Variants in ABLIM1 observed in about 807,000 individuals in gnomAD.
The protein encoded by ABLIM1 is actin binding LIM protein 1, also known as actin-binding LIM protein 1.
ABLIM1 carries 40 observed loss-of-function variants against 107.0 expected under a neutral mutation model. That is an observed-to-expected ratio of 0.37 (90% CI 0.29 to 0.49). ABLIM1 has a LOEUF of 0.49. Among genes scored for constraint, ABLIM1 ranks in the 20% least tolerant of loss-of-function variants. The probability of loss-of-function intolerance (pLI) is 0.97; values close to 1 mark genes in which losing one functional copy is unlikely to be tolerated. For missense variants in ABLIM1, 857 were observed against 1,008.5 expected, an observed-to-expected ratio of 0.85 and a Z score of 2.04; for synonymous variants, 357 against 357.3, an observed-to-expected ratio of 1.00 and a Z score of 0.01.
At chr10:114,700,190 G>A (rs2081280379) in intron 1 of ABLIM1, among the ~76,000 whole-genome samples, 1 of 152,144 alleles carries the variant, frequency 6.6e-6, no homozygotes. Context: ...ACATATGAAG[G>A]ATGCATTCGA....
At chr10:114,791,541 G>C in the ABLIM1 span, among the ~76,000 whole-genome samples, 11 of 152,096 alleles carry the variant, frequency 7.2e-5, 1 homozygote, top group South Asian at 1.0e-3. Context: ...GGGAGGCTGA[G>C]GCAGGAGAAT....
intron 1 of ABLIM1, among the ~76,000 whole-genome samples, chr10:114,704,302 C>CTATATATATATATATATATATATATATA (rs369952218): frequency 2.3e-5 from 1 of 43,058 alleles, no homozygotes; most frequent in Non-Finnish European, 4.7e-5. Context: ...CTCTCTCTCT[C>CTATATATATATATATATATATATATATA]TATATATATA....
At chr10:114,684,178 A>G (rs894010423) in intron 1 of ABLIM1, 13 of 1,060,942 alleles carry the variant, frequency 1.2e-5, no homozygotes, top group East Asian at 7.4e-5. Flanking sequence ...TTATTATCAT[A>G]AGTGTAAAAC....
chr10:114,683,712 TC>T (rs1462053993), intron 1 of ABLIM1, among the ~76,000 whole-genome samples: 2 of 152,104 alleles, frequency 1.3e-5, no homozygotes, highest in Non-Finnish European at 2.9e-5. Flanking sequence ...CAGCAACCGA[TC>T]GCCACAGTCC....
the ABLIM1 span, among the ~76,000 whole-genome samples, chr10:114,787,613 G>C: frequency 2.2e-5 from 3 of 137,826 alleles, no homozygotes; most frequent in African/African-American, 8.1e-5. Context: ...CAGCCGCCCC[G>C]TCCGGGAGGT....
chr10:114,688,042 G>C (rs2080984209), upstream of ABLIM1, among the ~76,000 whole-genome samples: 1 of 152,042 alleles, frequency 6.6e-6, no homozygotes, highest in Non-Finnish European at 1.5e-5. Context: ...AGTCATTGTG[G>C]TTTTTGCCGT....
At chr10:114,605,967 G>C (rs1213033403) in intron 1 of ABLIM1, among the ~76,000 whole-genome samples, 5 of 152,084 alleles carry the variant, frequency 3.3e-5, no homozygotes, top group African/African-American at 9.7e-5. Flanking sequence ...GAGACTGGGG[G>C]AAGGAGACCA....
At chr10:114,665,741 A>G (rs1384271030) in intron 1 of ABLIM1, among the ~76,000 whole-genome samples, 3 of 152,196 alleles carry the variant, frequency 2.0e-5, no homozygotes, top group Admixed American at 1.3e-4. Flanking sequence ...AGTACTTAAA[A>G]CCACAAATTT....
At chr10:114,516,605 C>G (rs530689969) in intron 6 of ABLIM1, among the ~76,000 whole-genome samples, 22 of 152,318 alleles carry the variant, frequency 1.4e-4, no homozygotes, top group African/African-American at 5.1e-4. Flanking sequence ...CTTAAAGAAA[C>G]TATTGAAAAC....
At chr10:114,474,835 G>A (rs2056034080) in intron 8 of ABLIM1, among the ~76,000 whole-genome samples, 1 of 152,174 alleles carries the variant, frequency 6.6e-6, no homozygotes, top group East Asian at 1.9e-4. Flanking sequence ...TTGAATCATG[G>A]GGCAGTTTCC....
At chr10:114,787,291 C>CCGCCCGGCAGCCGCCCCG in the ABLIM1 span, among the ~76,000 whole-genome samples, 2 of 151,784 alleles carry the variant, frequency 1.3e-5, no homozygotes, top group Non-Finnish European at 2.9e-5. Flanking sequence ...AGGAGCCTCT[C>CCGCCCGGCAGCCGCCCCG]TGCCCAGCAG....
rs1397127456 is a variant in ABLIM1 at position 114,550,312 on chromosome 10, C to A, written c.674-2536G>T. ...CTATAAAGATAAAAATGGAAGGCCA[C>A]GATATTAGTTTAAAAATATAATTTT... On this transcript the variant is annotated intron_variant, in intron 4 of 22. Transcript: ENST00000533213. Among the ~76,000 whole-genome samples the A allele has an allele frequency of 4.6e-5, 7 of 151,588 alleles. No homozygotes were observed. In the South Asian group the frequency reaches 6.3e-4, roughly 14 times the overall value.
chr10:114,681,187 AT>A lies in ABLIM1; in HGVS notation c.64+3102del, dbSNP rs61427524. ...CCAGACCATTTTAGCCATTTTATAT[AT>A]TTTTTATTTTAATTTTTATATTGAG... On this transcript the variant is annotated intron_variant, in intron 1 of 23. Transcript: ENST00000369256. 1.3e-3 allele frequency among the ~76,000 whole-genome samples: 205 copies of A among 152,148 alleles called. 1 individual carries two copies. The highest frequency in any genetic ancestry group is 4.8e-3 in the African/African-American group (200 of 41,486).
rs768430869 is a variant in ABLIM1, at chr10:114,619,786, C to T, written c.245-17825G>A. On this transcript the variant is annotated intron_variant, in intron 1 of 22. Transcript: ENST00000533213. This position sits in a 1 kb window ranked among gnomAD's most constrained non-coding sequence, Gnocchi z 4.1. ...GGCTTGAAAGCTGACATGGGCTCTA[C>T]GAGTGTTTTCTTTGGACTTCCAGCT... 2.6e-5 allele frequency among the ~76,000 whole-genome samples: 4 copies of T among 152,140 alleles called. No homozygotes were observed. Among genetic ancestry groups the T allele is most frequent in the Admixed American group, 2.0e-4 (3 of 15,280 alleles).
At chr10:114,580,036 G>A (rs1358174031) in intron 2 of ABLIM1, among the ~76,000 whole-genome samples, 1 of 151,994 alleles carries the variant, frequency 6.6e-6, no homozygotes, top group Non-Finnish European at 1.5e-5. Flanking sequence ...AGAAGTTAAT[G>A]TTAACTTTTT....
At chr10:114,663,790 T>C (rs992700863) in intron 1 of ABLIM1, among the ~76,000 whole-genome samples, 3 of 152,158 alleles carry the variant, frequency 2.0e-5, no homozygotes, top group African/African-American at 4.8e-5. Flanking sequence ...GTGGGATAAA[T>C]AGCTGAGCGT....
chr10:114,622,618 G>GA (rs1277247220), intron 1 of ABLIM1, among the ~76,000 whole-genome samples: 2 of 151,990 alleles, frequency 1.3e-5, no homozygotes, highest in African/African-American at 4.8e-5. Context: ...ATAAACAGAA[G>GA]AAAAAATACA....
intron 19 of ABLIM1, 142 bp downstream of exon 19, chr10:114,440,875 G>T (rs890392492): frequency 1.6e-5 from 13 of 820,256 alleles, no homozygotes; most frequent in Non-Finnish European, 2.3e-5. Context: ...GTAAATAATT[G>T]CCCTATTAGC....
intron 12 of ABLIM1, among the ~76,000 whole-genome samples, chr10:114,455,707 A>C (rs763613770): frequency 6.6e-6 from 1 of 152,244 alleles, no homozygotes; most frequent in Non-Finnish European, 1.5e-5. Context: ...CTAATTTAGC[A>C]AGCACCATGG....
Sources: allele counts gnomAD v4.1 joint callset (sites outside exome capture counted in the v4.1 genomes callset), GRCh38; gene constraint gnomAD v4.1.1; non-coding constraint Gnocchi (gnomAD v3.1); transcripts MANE v1.5; gene names NCBI Gene and HGNC (gene_info 2026-07-23, HGNC 2026-07-21).